ZC3HC1: variants seen among roughly 807,000 people sequenced by gnomAD.
The protein encoded by ZC3HC1 is zinc finger C3HC-type protein 1.
Under a neutral mutation model 61.9 loss-of-function variants are expected in ZC3HC1, and 38 were observed. That is an observed-to-expected ratio of 0.61 (90% CI 0.47 to 0.81). The LOEUF (loss-of-function observed/expected upper bound fraction) is 0.81, where lower values mean the gene tolerates loss of function less well. Ranked by LOEUF, ZC3HC1 falls within the 30% of genes least tolerant of loss-of-function variation. ZC3HC1 has a pLI of 0.00. For missense variants in ZC3HC1, 554 were observed against 622.7 expected (o/e 0.89, Z 1.17); for synonymous variants, 213 against 229.9 (o/e 0.93, Z 0.67).
In ZC3HC1 at chr7:130,024,425, CT is replaced by C; in HGVS notation, c.857del (p.Gln286ArgfsTer6). The C allele has an allele frequency of 6.2e-7, 1 of 1,614,180 alleles. No homozygotes were observed. Among genetic ancestry groups the C allele is most frequent in the Non-Finnish European group, 8.5e-7 (1 of 1,180,026 alleles). ...CCAGGTCAGTCATGGACGATTCAAT[CT>C]GCTGGAAGCCCCAGAGCCCCACCTT... ...MRKVGLWGFQ[Q>X]IESSMTDLDA... On this transcript the variant is annotated frameshift_variant, in exon 7 of 10. Coordinates refer to ENST00000358303, the MANE Select transcript of ZC3HC1 (RefSeq NM_016478.5). LOFTEE classifies it high-confidence loss of function.
chr7:130,050,152 A>C (rs1461680081), intron 1 of ZC3HC1, among the ~76,000 whole-genome samples: 2 of 151,964 alleles, frequency 1.3e-5, no homozygotes, highest in East Asian at 1.9e-4. Context: ...ATCTCGGCTC[A>C]CTGCAACCTC....
At chr7:130,018,798 G>T (rs1468656767) in intron 9 of ZC3HC1, 66 bp from the exon 10 acceptor site, 4 of 1,392,604 alleles carry the variant, frequency 2.9e-6, no homozygotes, top group Non-Finnish European at 3.0e-6. Flanking sequence ...TAGATCATTT[G>T]TCCCACAATG....
intron 2 of ZC3HC1, among the ~76,000 whole-genome samples, chr7:130,044,929 A>G (rs118117412): frequency 0.016 from 2,386 of 152,330 alleles, 34 homozygotes; most frequent in Middle Eastern, 0.024. Context: ...GTAATCTTCA[A>G]AAGTATCAAG....
intron 2 of ZC3HC1, among the ~76,000 whole-genome samples, chr7:130,047,610 T>A (rs1880621): frequency 1 from 150,843 of 151,362 alleles, 75,164 homozygotes; most frequent in Middle Eastern, 1. Context: ...GTTCGAGACC[T>A]GCCTGGGCAA....
intron 1 of ZC3HC1, among the ~76,000 whole-genome samples, chr7:130,050,855 T>C (rs1795047539): frequency 6.6e-6 from 1 of 152,232 alleles, no homozygotes; most frequent in Non-Finnish European, 1.5e-5. Flanking sequence ...TAATTTACTT[T>C]AAGCATTTAA....
intron 6 of ZC3HC1, among the ~76,000 whole-genome samples, chr7:130,025,829 C>CCA (rs1387443384): frequency 7.1e-6 from 1 of 140,818 alleles, no homozygotes; most frequent in African/African-American, 2.7e-5. Context: ...ATCGCGCACG[C>CCA]CACTACCCTC....
At chr7:130,028,753 T>A (rs1157629302) in intron 5 of ZC3HC1, 149 bp downstream of exon 5, 2 of 1,066,638 alleles carry the variant, frequency 1.9e-6, no homozygotes, top group Non-Finnish European at 2.6e-6. Flanking sequence ...AACTGTCACC[T>A]TCCTGGTGGA....
At chr7:130,025,759 C>CGGGAG (rs1243471536) in intron 6 of ZC3HC1, among the ~76,000 whole-genome samples, 3 of 144,314 alleles carry the variant, frequency 2.1e-5, no homozygotes, top group Non-Finnish European at 4.5e-5. Flanking sequence ...CCCAGCTACT[C>CGGGAG]GGGAGGCTGA....
chr7:130,031,677 G>C (rs1391677194), intron 4 of ZC3HC1, among the ~76,000 whole-genome samples: 2 of 152,252 alleles, frequency 1.3e-5, no homozygotes, highest in Admixed American at 6.5e-5. Context: ...ATATTCCCTG[G>C]AATCTAGAAG....
chr7:130,047,789 TTCTTATATTCA>T (rs1451120817), intron 2 of ZC3HC1, among the ~76,000 whole-genome samples: 3 of 152,218 alleles, frequency 2.0e-5, no homozygotes, highest in Admixed American at 2.0e-4. Context: ...GATCCCTGCC[TTCTTATATTCA>T]TGCCCTTGTG....
chr7:130,033,557 A>G (rs1794309324), intron 4 of ZC3HC1, among the ~76,000 whole-genome samples: 1 of 148,916 alleles, frequency 6.7e-6, no homozygotes, highest in Admixed American at 6.8e-5. Context: ...GGTTCAAGCA[A>G]TTCTCCTGCC....
chr7:130,039,195 T>G, intron 4 of ZC3HC1: 2 of 384,490 alleles, frequency 5.2e-6, no homozygotes, highest in South Asian at 3.8e-5. Context: ...AAATACAAAA[T>G]TAGCTGGGCG....
chr7:130,044,618 C>T (rs1584594768), intron 2 of ZC3HC1, among the ~76,000 whole-genome samples: 1 of 152,092 alleles, frequency 6.6e-6, no homozygotes, highest in African/African-American at 2.4e-5. Flanking sequence ...ACAAATAAAT[C>T]AATTACATAA....
chr7:130,026,032 GT>G, intron 6 of ZC3HC1, 125 bp downstream of exon 6: 3 of 1,174,514 alleles, frequency 2.6e-6, no homozygotes, highest in East Asian at 4.9e-5. Flanking sequence ...CCCCCACCCA[GT>G]TTTTCTTTGT....
chr7:130,033,474 A>C (rs1794304856), intron 4 of ZC3HC1, among the ~76,000 whole-genome samples: 1 of 107,508 alleles, frequency 9.3e-6, no homozygotes. Context: ...TTTTTTTGAG[A>C]CGGAGTCTTG....
In ZC3HC1 at chr7:130,019,334, C is replaced by A. The variant is rs530781691; in HGVS notation, c.1441-602G>T. Among the ~76,000 whole-genome samples, 3 of 152,280 alleles carry A rather than the reference C, an allele frequency of 2.0e-5. No homozygotes were observed. The South Asian group carries it at 6.2e-4, about 32-fold the overall frequency. On this transcript the variant is annotated intron_variant, in intron 9 of 9. Coordinates refer to ENST00000358303, the MANE Select transcript of ZC3HC1 (RefSeq NM_016478.5). ...AAAGTGCTGGGATTACAGGCGTGAG[C>A]CACCACGCCCGGCCTGCACTGGTTT... is the stretch of plus-strand genomic sequence containing the variant.
intron 6 of ZC3HC1, 53 bp from the exon 7 acceptor site, chr7:130,024,559 C>CT (rs1793804892): frequency 6.4e-7 from 1 of 1,558,398 alleles, no homozygotes. Context: ...TTCCAAATGA[C>CT]TAAGTGCAAT....
intron 5 of ZC3HC1, among the ~76,000 whole-genome samples, chr7:130,028,249 T>C (rs1794014250): frequency 7.0e-6 from 1 of 143,180 alleles, no homozygotes; most frequent in South Asian, 2.2e-4. Flanking sequence ...TTCTGTTAAA[T>C]AGTTTAAGTA....
intron 1 of ZC3HC1, among the ~76,000 whole-genome samples, chr7:130,049,973 G>C (rs2116788624): frequency 6.6e-6 from 1 of 151,594 alleles, no homozygotes; most frequent in East Asian, 1.9e-4. Context: ...ATCTTCGGGA[G>C]ATTTCATGAA....
Sources: allele counts gnomAD v4.1 joint callset (sites outside exome capture counted in the v4.1 genomes callset), GRCh38; gene constraint gnomAD v4.1.1; transcripts MANE v1.5; gene names NCBI Gene and HGNC (gene_info 2026-07-23, HGNC 2026-07-21).